The following ZNF470 variants were observed in gnomAD, a reference collection of about 807,000 sequenced individuals.
ZNF470 encodes zinc finger protein 470.
Under a neutral mutation model 13.9 loss-of-function variants are expected in ZNF470, and 13 were observed. The observed-to-expected ratio is 0.94, with a 90% CI of 0.61 to 1.49. ZNF470 has a LOEUF of 1.49. ZNF470 is among the 40% of genes most tolerant of loss of function. The pLI is 0.00. For synonymous variants in ZNF470, 293 were observed against 282.9 expected (o/e 1.04, Z -0.36); for missense variants, 929 against 857.3 (o/e 1.08, Z -1.04).
In ZNF470 at chr19:56,579,160, G is replaced by C; in HGVS notation, c.*577G>C. 1.0e-6 allele frequency: 1 copy of C among 985,370 alleles called. No individual in the cohort carries two copies. Among genetic ancestry groups the C allele is most frequent in the African/African-American group, 1.7e-5 (1 of 57,344 alleles). 61.0% of individuals were successfully genotyped at this position (985,370 alleles called of 1,614,324 possible). A position where few individuals can be genotyped will look rare whatever the true frequency, so the allele number is the denominator to read the frequency against. ...CTTTTAGCTGGGTGCGGTGGCTCATGCCTGTAGTCCCAGCACTTTGGGAGG... is the reference window on the plus strand; with the variant it reads ...CTTTTAGCTGGGTGCGGTGGCTCATCCCTGTAGTCCCAGCACTTTGGGAGG... On this transcript the variant is annotated 3_prime_UTR_variant, in exon 6 of 6. Transcript: ENST00000330619.
In ZNF470 at chr19:56,570,268, T is replaced by C. The variant is rs774649775; in HGVS notation, c.-32-12T>C. On this transcript the variant is annotated splice_polypyrimidine_tract_variant and intron_variant, in intron 2 of 5. Transcript: ENST00000330619. ...TGCTACTTGGTTTCTCACTACTTCT[T>C]TTTCTCCCCAGCTCTACAATCCCAG... The C allele has an allele frequency of 5.0e-6, 8 of 1,597,682 alleles. No individual in the cohort carries two copies. The highest frequency in any genetic ancestry group is 6.0e-6 in the Non-Finnish European group (7 of 1,166,548).
At position 56,580,945 on chromosome 19, in the gene ZNF470, A is replaced by T. The variant is rs1319448323; in HGVS notation, c.*2362A>T. ...CACTAATGAAATGCCTGAGATATTA[A>T]AGGTCTAAATGTAAAATTAAAGTAC... On this transcript the variant is annotated 3_prime_UTR_variant, in exon 6 of 6. Transcript: ENST00000330619. 1.0e-6 allele frequency: 1 copy of T among 985,006 alleles called. No individual in the cohort carries two copies. The highest frequency in any genetic ancestry group is 6.1e-5 in the Admixed American group (1 of 16,266). 61.0% of individuals were successfully genotyped at this position (985,006 alleles called of 1,614,324 possible).
Position 56,580,805 on chromosome 19 carries a change from T to G in ZNF470, c.*2222T>G, listed in dbSNP as rs2044529907. 9 of 981,350 alleles carry G rather than the reference T, an allele frequency of 9.2e-6. No individual in the cohort carries two copies. Among genetic ancestry groups the G allele is most frequent in the Non-Finnish European group, 1.1e-5 (9 of 826,310 alleles). 60.8% of individuals were successfully genotyped at this position (981,350 alleles called of 1,614,324 possible). A position where few individuals can be genotyped will look rare whatever the true frequency, so the allele number is the denominator to read the frequency against. On this transcript the variant is annotated 3_prime_UTR_variant, in exon 6 of 6. Transcript: ENST00000330619. ...AGTCTCACCAGAGAATGTGGAGCTT[T>G]CAGACTCTCCTTATATATGATAAAA...
chr19:56,572,577 G>A (rs959160913), intron 3 of ZNF470, among the ~76,000 whole-genome samples: 39 of 149,112 alleles, frequency 2.6e-4, no homozygotes, highest in African/African-American at 9.5e-4. Context: ...GTCAGATTGG[G>A]GAAAAAGCCC....
rs763839435 is a variant in ZNF470, at chr19:56,578,258, G to A, written c.1829G>A (p.Cys610Tyr). Residue 610 changes from cysteine (C) to tyrosine (Y), a missense_variant, in exon 6 of 6, where the codon TGT becomes TAT. Physicochemically the swap from Cys to Tyr is radical, Grantham distance 194. Coordinates refer to ENST00000330619, the MANE Select transcript of ZNF470 (RefSeq NM_001001668.4). ...KAFRQRASLICHQRCHTGEKP... is the reference protein window; with the variant it reads ...KAFRQRASLIYHQRCHTGEKP... ...TTCAGGCAGAGGGCATCCTTGATTTGTCATCAGAGATGTCATACTGGTGAG... is the reference window on the plus strand; with the variant it reads ...TTCAGGCAGAGGGCATCCTTGATTTATCATCAGAGATGTCATACTGGTGAG... 59 of 1,613,404 alleles carry A rather than the reference G, an allele frequency of 3.7e-5. No homozygotes were observed. The highest frequency in any genetic ancestry group is 8.5e-7 in the Non-Finnish European group (1 of 1,179,800).
At position 56,581,036 on chromosome 19, in the gene ZNF470, C is replaced by T. The variant is rs1229310474; in HGVS notation, c.*2453C>T. On this transcript the variant is annotated 3_prime_UTR_variant, in exon 6 of 6. Coordinates refer to ENST00000330619, the MANE Select transcript of ZNF470 (RefSeq NM_001001668.4). ...TAGACTTTAAGCACTAATGCATAAC[C>T]CCAAAGCTGACATTAGGCTTTTATA... The T allele has an allele frequency of 3.2e-5, 32 of 985,144 alleles. No individual in the cohort carries two copies. The highest frequency in any genetic ancestry group is 3.9e-5 in the Non-Finnish European group (32 of 829,768). The allele number at this position is 985,144 out of a possible 1,614,324, so 61.0% of individuals were successfully genotyped here.
In ZNF470 at chr19:56,582,174, G is replaced by A. The variant is rs377582576; in HGVS notation, c.*3591G>A. Reference sequence around the variant, plus strand: ...ATCTCATGGTGTGCGATGAGCAAACGCCTGATTATTCATTATAGTCACCTG... The same window carrying A: ...ATCTCATGGTGTGCGATGAGCAAACACCTGATTATTCATTATAGTCACCTG... On this transcript the variant is annotated 3_prime_UTR_variant, in exon 6 of 6. Transcript: ENST00000330619. 27 of 985,234 alleles carry A rather than the reference G, an allele frequency of 2.7e-5. No individual in the cohort carries two copies. The highest frequency in any genetic ancestry group is 1.8e-4 in the Admixed American group (3 of 16,262). The allele number at this position is 985,234 out of a possible 1,614,324, so 61.0% of individuals were successfully genotyped here. A position where few individuals can be genotyped will look rare whatever the true frequency, so the allele number is the denominator to read the frequency against.
At position 56,578,414 on chromosome 19, in the gene ZNF470, C is replaced by T; in HGVS notation, c.1985C>T (p.Ala662Val). Residue 662 changes from alanine to valine, a missense_variant, in exon 6 of 6, where the codon GCC (alanine) becomes GTC (valine). Coordinates refer to ENST00000330619, the MANE Select transcript of ZNF470 (RefSeq NM_001001668.4). ...KECSKAFSQV[A>V]HLTLHKRIHT... ...TGTAGCAAAGCCTTCAGCCAGGTTG[C>T]CCATCTTACTCTACATAAGAGAATT... 1 of 1,610,102 alleles carries T rather than the reference C, an allele frequency of 6.2e-7. No homozygotes were observed. The highest frequency in any genetic ancestry group is 8.5e-7 in the Non-Finnish European group (1 of 1,177,994).
Position 56,577,524 on chromosome 19 carries a change from A to T in ZNF470, c.1095A>T (p.Lys365Asn). The T allele has an allele frequency of 6.2e-7, 1 of 1,613,824 alleles. No individual in the cohort carries two copies. The highest frequency in any genetic ancestry group is 8.5e-7 in the Non-Finnish European group (1 of 1,179,944). The change falls in exon 6 of 6, where the codon AAA becomes AAT. Residue 365 changes from lysine (K) to asparagine (N), a missense_variant. Physicochemically the swap from Lys to Asn is moderately conservative, Grantham distance 94. Coordinates refer to ENST00000330619, the MANE Select transcript of ZNF470 (RefSeq NM_001001668.4). ...ATCATCGAAGGATTCACACTGGGAA[A>T]AGACCTTATGAATGTATTGACTGTG... Reference protein sequence around the residue: ...LAHHRRIHTGKRPYECIDCGK... With the variant: ...LAHHRRIHTGNRPYECIDCGK...
At chr19:56,570,413 T>C in intron 3 of ZNF470, 42 bp downstream of exon 3, 2 of 1,594,274 alleles carry the variant, frequency 1.3e-6, no homozygotes, top group East Asian at 2.2e-5. Context: ...ATAGTTTTGC[T>C]TTTCTGGATT....
At position 56,578,468 on chromosome 19, in the gene ZNF470, A is replaced by G. The variant is rs761323261; in HGVS notation, c.2039A>G (p.Lys680Arg). 3 of 1,612,518 alleles carry G rather than the reference A, an allele frequency of 1.9e-6. No homozygotes were observed. The highest frequency in any genetic ancestry group is 2.5e-6 in the Non-Finnish European group (3 of 1,179,240). The stretch of plus-strand genomic sequence containing the variant: ...ACTGGAGAAAGGCCCTATGAGTGTA[A>G]AGAATGTGGAAAAGCCTTCAGGCAG... ...IHTGERPYEC[K>R]ECGKAFRQSV... The change falls in exon 6 of 6, where the codon AAA becomes AGA. Residue 680 changes from lysine (K) to arginine (R), a missense_variant. Lys to Arg is a conservative substitution (Grantham distance 26). Coordinates refer to ENST00000330619, the MANE Select transcript of ZNF470 (RefSeq NM_001001668.4).
chr19:56,576,928 CT>C lies in ZNF470; in HGVS notation c.501del (p.Ile168LeufsTer16). On this transcript the variant is annotated frameshift_variant, in exon 6 of 6. Coordinates refer to ENST00000330619, the MANE Select transcript of ZNF470 (RefSeq NM_001001668.4). LOFTEE classifies it low-confidence loss of function (END_TRUNC). ...RQETITHIDT[L>X]IEKRDHSNKS... ...AGAGACCATCACTCATATAGATACT[CT>C]TATTGAAAAAAGAGATCACTCTAAC... 1.3e-6 allele frequency: 2 copies of C among 1,578,912 alleles called. No homozygotes were observed. Among genetic ancestry groups the C allele is most frequent in the Non-Finnish European group, 1.7e-6 (2 of 1,168,318 alleles).
At chr19:56,570,700 G>A (rs577430347) in intron 3 of ZNF470, among the ~76,000 whole-genome samples, 1 of 152,276 alleles carries the variant, frequency 6.6e-6, no homozygotes, top group Non-Finnish European at 1.5e-5. Context: ...TCCATGCCTG[G>A]TTCCTAAGTC....
In ZNF470 at chr19:56,580,281, A is replaced by T. The variant is rs1346828969; in HGVS notation, c.*1698A>T. 1 of 477,256 alleles carries T rather than the reference A, an allele frequency of 2.1e-6. No homozygotes were observed. The highest frequency in any genetic ancestry group is 1.5e-4 in the East Asian group (1 of 6,562). The allele number at this position is 477,256 out of a possible 1,614,324, so 29.6% of individuals were successfully genotyped here. Reference sequence around the variant, plus strand: ...GCTTTGAGTGTTGGAGGAAGGGAGGATTGATGGTTTAACAGAGATCATGGC... The same window carrying T: ...GCTTTGAGTGTTGGAGGAAGGGAGGTTTGATGGTTTAACAGAGATCATGGC... On this transcript the variant is annotated 3_prime_UTR_variant, in exon 6 of 6. Coordinates refer to ENST00000330619, the MANE Select transcript of ZNF470 (RefSeq NM_001001668.4).
intron 3 of ZNF470, among the ~76,000 whole-genome samples, chr19:56,571,935 A>G (rs556600652): frequency 3.9e-5 from 6 of 152,018 alleles, no homozygotes; most frequent in Admixed American, 3.3e-4. Context: ...TTTTTTTATA[A>G]TAGGCATAAC....
In ZNF470 at chr19:56,579,493, G is replaced by A; in HGVS notation, c.*910G>A. 1.0e-6 allele frequency: 1 copy of A among 985,324 alleles called. No homozygotes were observed. The highest frequency in any genetic ancestry group is 1.2e-6 in the Non-Finnish European group (1 of 829,918). The allele number at this position is 985,324 out of a possible 1,614,324, so 61.0% of individuals were successfully genotyped here. A position where few individuals can be genotyped will look rare whatever the true frequency, so the allele number is the denominator to read the frequency against. ...CAGGGTAGGTAGTAGTAAACCAAAA[G>A]TAACAAGCCAAAAAAACTTGAATAG... On this transcript the variant is annotated 3_prime_UTR_variant, in exon 6 of 6. Transcript: ENST00000330619.
chr19:56,578,065 T>C lies in ZNF470; in HGVS notation c.1636T>C (p.Phe546Leu). 1.2e-6 allele frequency: 2 copies of C among 1,613,996 alleles called. No individual in the cohort carries two copies. The highest frequency in any genetic ancestry group is 4.5e-5 in the East Asian group (2 of 44,846). Residue 546 changes from phenylalanine to leucine, a missense_variant, in exon 6 of 6, where the codon TTC becomes CTC. Physicochemically the swap from Phe to Leu is conservative, Grantham distance 22. Transcript: ENST00000330619. ...PYECKECGKA[F>L]SQIAHLVQHQ... ...TGAATGTAAGGAATGTGGTAAGGCC[T>C]TCAGTCAGATTGCACACCTTGTTCA...
chr19:56,570,629 C>G (rs929693074), intron 3 of ZNF470, among the ~76,000 whole-genome samples: 1 of 152,200 alleles, frequency 6.6e-6, no homozygotes, highest in Admixed American at 6.5e-5. Flanking sequence ...GAGCCCTTCC[C>G]TTGTGCTCAG....
At chr19:56,571,359 T>C (rs1279241780) in intron 3 of ZNF470, among the ~76,000 whole-genome samples, 1 of 152,218 alleles carries the variant, frequency 6.6e-6, no homozygotes, top group African/African-American at 2.4e-5. Context: ...TTTCTTTGAC[T>C]AAATTCCTAG....
Sources: allele counts gnomAD v4.1 joint callset (sites outside exome capture counted in the v4.1 genomes callset), GRCh38; gene constraint gnomAD v4.1.1; transcripts MANE v1.5; gene names NCBI Gene and HGNC (gene_info 2026-07-23, HGNC 2026-07-21).